FAM222B: variants seen among roughly 807,000 people sequenced by gnomAD.
FAM222B encodes protein FAM222B.
FAM222B carries 12 observed loss-of-function variants against 38.0 expected under a neutral mutation model. The observed-to-expected ratio is 0.32, with a 90% confidence interval of 0.20 to 0.51. The LOEUF (loss-of-function observed/expected upper bound fraction) is 0.51, where lower values mean the gene tolerates loss of function less well. Ranked by LOEUF, FAM222B falls within the 20% of genes least tolerant of loss-of-function variation. The pLI is 0.97. For missense variants in FAM222B, 716 were observed against 754.2 expected, an observed-to-expected ratio of 0.95 and a Z score of 0.59; for synonymous variants, 329 against 317.2, an observed-to-expected ratio of 1.04 and a Z score of -0.40.
chr17:28,829,260 G>A (rs1303697511), intron 1 of FAM222B, among the ~76,000 whole-genome samples: 1 of 138,894 alleles, frequency 7.2e-6, no homozygotes, highest in African/African-American at 2.7e-5. Context: ...TGTTGCCTCA[G>A]CTGGAGTGCA....
At chr17:28,772,392 A>G (rs2035674855) in intron 1 of FAM222B, among the ~76,000 whole-genome samples, 1 of 152,066 alleles carries the variant, frequency 6.6e-6, no homozygotes, top group Admixed American at 6.6e-5. Flanking sequence ...GACCTGTAAC[A>G]TACTGCCCCT....
chr17:28,846,625 T>G (rs1008100389), upstream of FAM222B, among the ~76,000 whole-genome samples: 1 of 151,432 alleles, frequency 6.6e-6, no homozygotes, highest in Non-Finnish European at 1.5e-5. Flanking sequence ...GATTCAACCA[T>G]TGCACTCCAG....
intron 1 of FAM222B, among the ~76,000 whole-genome samples, chr17:28,791,928 G>A (rs959698374): frequency 2.8e-4 from 42 of 151,080 alleles, no homozygotes; most frequent in African/African-American, 9.5e-4. Flanking sequence ...CCAAAGTGCT[G>A]GGATTAAAGG....
Position 28,759,449 on chromosome 17 carries a change from C to G in FAM222B, c.510G>C (p.Gln170His). 6.5e-7 allele frequency: 1 copy of G among 1,530,058 alleles called. No individual in the cohort carries two copies. The highest frequency in any genetic ancestry group is 1.4e-5 in the African/African-American group (1 of 70,676). 94.8% of individuals were successfully genotyped at this position (1,530,058 alleles called of 1,614,324 possible). A position where few individuals can be genotyped will look rare whatever the true frequency, so the allele number is the denominator to read the frequency against. Residue 170 changes from glutamine to histidine, a missense_variant, in exon 3 of 3, where the codon CAG becomes CAC. Coordinates refer to ENST00000581407, the MANE Select transcript of FAM222B (RefSeq NM_001077498.3). This position sits in a 1 kb window ranked among gnomAD's most constrained non-coding sequence, Gnocchi z 4.8. Reference sequence around the variant, plus strand: ...GGATACCCTGAGGGTGCTGCAGCGTCTGGGGAGGGGCATGGGCCAGGGTCT... The same window carrying G: ...GGATACCCTGAGGGTGCTGCAGCGTGTGGGGAGGGGCATGGGCCAGGGTCT... ...HAQTLAHAPPQTLQHPQGIPP... is the reference protein window; with the variant it reads ...HAQTLAHAPPHTLQHPQGIPP...
chr17:28,768,419 A>G lies in FAM222B; in HGVS notation c.-40-1712T>C, dbSNP rs562273610. ...ATAGCAACTGCAGAAAGAACTGAAG[A>G]TTGAATGCCTTAATGAGAACAGAGC... On this transcript the variant is annotated intron_variant, in intron 1 of 2. Coordinates refer to ENST00000581407, the MANE Select transcript of FAM222B (RefSeq NM_001077498.3). Among the ~76,000 whole-genome samples the G allele has an allele frequency of 6.6e-5, 10 of 152,276 alleles. No individual in the cohort carries two copies. In the South Asian group the frequency reaches 1.7e-3, roughly 25 times the overall value.
rs1000582905 is a variant in FAM222B at position 28,826,263 on chromosome 17, T to C, written c.-41+16419A>G. Among the ~76,000 whole-genome samples, 9 of 143,264 alleles carry C rather than the reference T, an allele frequency of 6.3e-5. No individual in the cohort carries two copies. In the Admixed American group the frequency reaches 6.4e-4, roughly 10 times the overall value. The allele number at this position is 143,264 out of a possible 152,430, so 94.0% of individuals were successfully genotyped here. On this transcript the variant is annotated intron_variant, in intron 1 of 2. Coordinates refer to ENST00000581407, the MANE Select transcript of FAM222B (RefSeq NM_001077498.3). ...TTTGGTATTTTTAGTAGAGACAGGGTTTCACCATGTTGGCCAGGCTTGTCT... is the reference window on the plus strand; with the variant it reads ...TTTGGTATTTTTAGTAGAGACAGGGCTTCACCATGTTGGCCAGGCTTGTCT...
chr17:28,828,981 C>A (rs1217367809), intron 1 of FAM222B, among the ~76,000 whole-genome samples: 1 of 152,090 alleles, frequency 6.6e-6, no homozygotes, highest in African/African-American at 2.4e-5. Context: ...TCTCGGCTCA[C>A]TGCAACCTCC....
chr17:28,823,179 G>A (rs1249884531), intron 1 of FAM222B, among the ~76,000 whole-genome samples: 1 of 151,888 alleles, frequency 6.6e-6, no homozygotes, highest in Middle Eastern at 3.4e-3. Flanking sequence ...CAAAAAAAAT[G>A]ATCAAATGTT....
In FAM222B at chr17:28,759,045, TTGA is replaced by T. The variant is rs1370248993; in HGVS notation, c.911_913del (p.Ile304del). 30 of 1,612,578 alleles carry T rather than the reference TTGA, an allele frequency of 1.9e-5. No homozygotes were observed. The highest frequency in any genetic ancestry group is 2.2e-5 in the Non-Finnish European group (26 of 1,179,378). On this transcript the variant is annotated inframe_deletion, in exon 3 of 3. Transcript: ENST00000581407. The surrounding 1 kb of genome is among the most constrained non-coding windows in gnomAD (Gnocchi z 4.8). ...GTGGGTCGACACCCGGGTGCTTGCA[TTGA>T]TGAGCAGACTGCGACTAATGGGGCT...
chr17:28,842,441 G>C (rs1187369012), intron 1 of FAM222B, among the ~76,000 whole-genome samples: 2 of 152,136 alleles, frequency 1.3e-5, no homozygotes, highest in African/African-American at 4.8e-5. Context: ...AGGAAGGGAT[G>C]ATACAAATGG....
chr17:28,768,858 A>C (rs2035470604), intron 1 of FAM222B, among the ~76,000 whole-genome samples: 1 of 151,312 alleles, frequency 6.6e-6, no homozygotes, highest in South Asian at 2.1e-4. Context: ...AAAAAAAAAA[A>C]AAGAGAGACT....
intron 1 of FAM222B, among the ~76,000 whole-genome samples, chr17:28,839,507 T>C (rs1052650096): frequency 4.6e-5 from 7 of 152,280 alleles, no homozygotes; most frequent in African/African-American, 1.7e-4. Context: ...TAACATAACA[T>C]GGGTGGCATT....
intron 1 of FAM222B, among the ~76,000 whole-genome samples, chr17:28,773,573 A>T (rs921130777): frequency 6.8e-6 from 1 of 148,024 alleles, no homozygotes; most frequent in African/African-American, 2.5e-5. Context: ...CCAAGGTGGG[A>T]GGATCACATT....
chr17:28,784,138 A>G (rs781119948), intron 1 of FAM222B, among the ~76,000 whole-genome samples: 1 of 152,068 alleles, frequency 6.6e-6, no homozygotes, highest in Non-Finnish European at 1.5e-5. Context: ...GGTTTAACAT[A>G]TTCCAGTGCT....
chr17:28,812,225 G>C (rs2037805893), intron 1 of FAM222B: 1 of 152,266 alleles, frequency 6.6e-6, no homozygotes, highest in South Asian at 2.1e-4. Flanking sequence ...CCCTGGAAAG[G>C]TGAGGTTCGC....
At chr17:28,767,560 T>C (rs937271054) in intron 1 of FAM222B, among the ~76,000 whole-genome samples, 3 of 152,112 alleles carry the variant, frequency 2.0e-5, no homozygotes, top group African/African-American at 4.8e-5. Flanking sequence ...ACTGCAACCC[T>C]TGACTCCTGA....
At chr17:28,819,915 C>T (rs2038152367) in intron 1 of FAM222B, among the ~76,000 whole-genome samples, 1 of 152,170 alleles carries the variant, frequency 6.6e-6, no homozygotes, top group Admixed American at 6.5e-5. Flanking sequence ...CTGAGTCCAG[C>T]AAAAGCAAGT....
rs60664262 is a variant in FAM222B, at chr17:28,790,884, C to CTTTTTTTT, written c.-40-24185_-40-24178dup. On this transcript the variant is annotated intron_variant, in intron 1 of 2. Transcript: ENST00000581407. ...GTTCTATATATTTCAAATTGTTTCA[C>CTTTTTTTT]TTTTTTTTTTTTTTTTTTTTTTTTT... Among the ~76,000 whole-genome samples the CTTTTTTTT allele has an allele frequency of 3.7e-3, 315 of 86,016 alleles. 17 individuals carry two copies. Among genetic ancestry groups the CTTTTTTTT allele is most frequent in the Non-Finnish European group, 5.7e-3 (265 of 46,228 alleles). The allele number at this position is 86,016 out of a possible 152,430, so 56.4% of individuals were successfully genotyped here. A position where few individuals can be genotyped will look rare whatever the true frequency, so the allele number is the denominator to read the frequency against.
chr17:28,804,770 C>T (rs1045625847), intron 1 of FAM222B, among the ~76,000 whole-genome samples: 5 of 152,008 alleles, frequency 3.3e-5, no homozygotes, highest in African/African-American at 9.7e-5. Flanking sequence ...AGGCCGGGTG[C>T]GGTGGCTCAC....
Sources: gnomAD v4.1 joint callset for allele counts (sites outside exome capture counted in the v4.1 genomes callset) on GRCh38, gnomAD v4.1.1 for gene constraint, Gnocchi (gnomAD v3.1) non-coding constraint, MANE v1.5 for transcripts, NCBI Gene and HGNC (gene_info 2026-07-23, HGNC 2026-07-21) for gene names.